Variants in TENT5D observed in about 807,000 individuals in gnomAD.
TENT5D encodes terminal nucleotidyltransferase 5D.
For synonymous variants in TENT5D, 103 were observed against 100.6 expected, an observed-to-expected ratio of 1.02 and a Z score of -0.15; for missense variants, 191 against 287.0, an observed-to-expected ratio of 0.67 and a Z score of 2.42.
intron 1 of TENT5D, among the ~76,000 whole-genome samples, chrX:80,429,852 G>C: frequency 9.0e-6 from 1 of 111,329 alleles, no homozygotes; most frequent in Non-Finnish European, 1.9e-5. Context: ...ATTGAATTAC[G>C]AGATAGGGAG....
At chrX:80,425,708 C>A (rs1294114602) in intron 1 of TENT5D, among the ~76,000 whole-genome samples, 1 of 111,830 alleles carries the variant, frequency 8.9e-6, no homozygotes, top group Non-Finnish European at 1.9e-5. Context: ...TTAGACATCC[C>A]ATATGGTTTT....
chrX:80,434,499 T>G (rs1028945335), intron 1 of TENT5D, among the ~76,000 whole-genome samples: 4 of 111,858 alleles, frequency 3.6e-5, no homozygotes, highest in Non-Finnish European at 7.5e-5. Flanking sequence ...AAACATCTCT[T>G]TTTCAAGCTT....
upstream of TENT5D, among the ~76,000 whole-genome samples, chrX:80,418,727 A>G (rs1354452021): frequency 8.9e-6 from 1 of 111,874 alleles, no homozygotes. Context: ...TTTGACCTAT[A>G]TCTGATATAT....
intron 3 of TENT5D, among the ~76,000 whole-genome samples, chrX:80,390,456 A>G (rs1931101889): frequency 8.9e-6 from 1 of 111,835 alleles, no homozygotes; most frequent in South Asian, 3.8e-4. Flanking sequence ...TTGGCATACC[A>G]AGTATATATG....
intron 3 of TENT5D, among the ~76,000 whole-genome samples, chrX:80,412,278 A>T (rs1411853898): frequency 9.0e-6 from 1 of 111,576 alleles, no homozygotes; most frequent in Non-Finnish European, 1.9e-5. Flanking sequence ...GGCCCACAAA[A>T]CCACATTTTC....
chrX:80,345,624 C>T (rs1444861651), intron 3 of TENT5D, among the ~76,000 whole-genome samples: 1 of 111,683 alleles, frequency 9.0e-6, no homozygotes, highest in Non-Finnish European at 1.9e-5. Context: ...TTTAATTTTC[C>T]AAACATATGA....
At chrX:80,410,049 G>A (rs1931611906) in intron 3 of TENT5D, among the ~76,000 whole-genome samples, 1 of 104,196 alleles carries the variant, frequency 9.6e-6, no homozygotes, top group Non-Finnish European at 2.0e-5. Flanking sequence ...TATGTAGAAA[G>A]CTGAAACTGG....
At chrX:80,421,770 G>A (rs1406474302) in intron 1 of TENT5D, among the ~76,000 whole-genome samples, 1 of 111,756 alleles carries the variant, frequency 8.9e-6, no homozygotes, top group African/African-American at 3.3e-5. Flanking sequence ...AGTAGAAGGT[G>A]TTGAAATGAG....
At chrX:80,343,553 A>C (rs1227399791) in intron 3 of TENT5D, among the ~76,000 whole-genome samples, 1 of 108,973 alleles carries the variant, frequency 9.2e-6, no homozygotes, top group African/African-American at 3.3e-5. Flanking sequence ...ATGCACCACC[A>C]CACCCAGCTG....
chrX:80,417,364 C>A (rs920069045), upstream of TENT5D, among the ~76,000 whole-genome samples: 3 of 109,941 alleles, frequency 2.7e-5, no homozygotes, highest in African/African-American at 9.9e-5. Context: ...ATTCATTATG[C>A]AGATTTGTTT....
At chrX:80,430,936 C>G (rs1476563865) in intron 1 of TENT5D, among the ~76,000 whole-genome samples, 1 of 111,099 alleles carries the variant, frequency 9.0e-6, no homozygotes, top group Non-Finnish European at 1.9e-5. Context: ...CCAAGATACC[C>G]TAGGGGCCTG....
At chrX:80,396,906 A>C (rs1931264856) in intron 3 of TENT5D, among the ~76,000 whole-genome samples, 1 of 78,811 alleles carries the variant, frequency 1.3e-5, no homozygotes, top group Admixed American at 1.4e-4. Flanking sequence ...CGGGGGGCTG[A>C]CCCCCCCACC....
At chrX:80,367,650 A>G (rs752822290) in intron 3 of TENT5D, among the ~76,000 whole-genome samples, 10 of 112,086 alleles carry the variant, frequency 8.9e-5, no homozygotes, top group African/African-American at 3.2e-4. Context: ...ACAATATAGT[A>G]CTATTCAGAC....
At chrX:80,426,444 A>G (rs1408152484) in intron 1 of TENT5D, among the ~76,000 whole-genome samples, 1 of 111,837 alleles carries the variant, frequency 8.9e-6, no homozygotes, top group Non-Finnish European at 1.9e-5. Flanking sequence ...CTTGTGGACA[A>G]TTATATTTAA....
intron 3 of TENT5D, among the ~76,000 whole-genome samples, chrX:80,414,155 G>T (rs1931723811): frequency 8.9e-6 from 1 of 111,862 alleles, no homozygotes; most frequent in Non-Finnish European, 1.9e-5. Context: ...ATGAAAGCAG[G>T]AAGACTTGCC....
intron 3 of TENT5D, among the ~76,000 whole-genome samples, chrX:80,364,743 T>A (rs1930473450): frequency 9.1e-6 from 1 of 109,961 alleles, no homozygotes; most frequent in Non-Finnish European, 1.9e-5. Context: ...TACTATATAT[T>A]AGTTAGAAGT....
chrX:80,393,110 CTTG>C (rs1358546351), intron 3 of TENT5D, among the ~76,000 whole-genome samples: 1 of 109,497 alleles, frequency 9.1e-6, no homozygotes, highest in Non-Finnish European at 1.9e-5. Context: ...TGACAACCAA[CTTG>C]TTGGTTGAAC....
intron 3 of TENT5D, among the ~76,000 whole-genome samples, chrX:80,409,619 A>T: frequency 9.0e-6 from 1 of 111,500 alleles, no homozygotes; most frequent in Non-Finnish European, 1.9e-5. Context: ...ATGGAAGAAC[A>T]TTCCATGCTC....
At chrX:80,425,414 CTT>C (rs1307104784) in intron 1 of TENT5D, among the ~76,000 whole-genome samples, 1 of 112,452 alleles carries the variant, frequency 8.9e-6, no homozygotes, top group Non-Finnish European at 1.9e-5. Context: ...TCAGTTAACT[CTT>C]GTTTTGCTTG....
Sources: gnomAD v4.1 joint callset for allele counts (sites outside exome capture counted in the v4.1 genomes callset) on GRCh38, gnomAD v4.1.1 for gene constraint, MANE v1.5 for transcripts, NCBI Gene and HGNC (gene_info 2026-07-23, HGNC 2026-07-21) for gene names.